The following DOCK2 variants were observed in gnomAD, a reference collection of about 807,000 sequenced individuals.
DOCK2 encodes dedicator of cytokinesis protein 2.
DOCK2 carries 87 observed loss-of-function variants against 248.9 expected under a neutral mutation model. The ratio of observed to expected loss-of-function variants is 0.35; its 90% CI spans 0.29 to 0.42. The LOEUF (loss-of-function observed/expected upper bound fraction) is 0.42, where lower values mean the gene tolerates loss of function less well. Among genes scored for constraint, DOCK2 ranks in the 10% least tolerant of loss-of-function variants. The pLI, the probability that DOCK2 is intolerant of heterozygous loss-of-function variation, is 1.00. For missense variants in DOCK2, 1,747 were observed against 2,300.2 expected (o/e 0.76, Z 4.92); for synonymous variants, 805 against 821.6 (o/e 0.98, Z 0.35).
At chr5:169,869,218 C>T (rs1771787171) in intron 27 of DOCK2, among the ~76,000 whole-genome samples, 1 of 152,148 alleles carries the variant, frequency 6.6e-6, no homozygotes, top group South Asian at 2.1e-4. Context: ...TCCCCACCAT[C>T]TACATTCAGG....
At chr5:169,840,584 G>T (rs914376601) in intron 26 of DOCK2, among the ~76,000 whole-genome samples, 173 bp from the exon 27 acceptor site, 1 of 124,184 alleles carries the variant, frequency 8.1e-6, no homozygotes, top group African/African-American at 3.4e-5. Context: ...TGGAGATATG[G>T]CGATGATGAT....
intron 27 of DOCK2, among the ~76,000 whole-genome samples, chr5:169,858,851 T>C (rs1442286729): frequency 6.6e-6 from 1 of 151,908 alleles, no homozygotes. Context: ...AAAATAATTA[T>C]TTTAAAAAAA....
intron 23 of DOCK2, among the ~76,000 whole-genome samples, chr5:169,755,872 G>A (rs562596062): frequency 1.3e-5 from 2 of 152,330 alleles, no homozygotes; most frequent in East Asian, 1.9e-4. Context: ...TTCTGGGAGC[G>A]TTTGGTGCTG....
At chr5:169,900,503 A>G (rs1053997554) in intron 27 of DOCK2, among the ~76,000 whole-genome samples, 3 of 152,202 alleles carry the variant, frequency 2.0e-5, no homozygotes, top group Non-Finnish European at 2.9e-5. Flanking sequence ...TTATTGGCCA[A>G]ACAGATCTTC....
intron 26 of DOCK2, among the ~76,000 whole-genome samples, chr5:169,810,987 TCTCACACACA>T (rs1275504567): frequency 2.0e-4 from 15 of 75,928 alleles, no homozygotes; most frequent in African/African-American, 6.7e-4. Context: ...TCTCTCTCTC[TCTCACACACA>T]CACACACACA....
At chr5:170,049,285 T>C (rs1015456362) in intron 40 of DOCK2, among the ~76,000 whole-genome samples, 2 of 152,234 alleles carry the variant, frequency 1.3e-5, no homozygotes, top group Non-Finnish European at 2.9e-5. Context: ...CAGCTAATTT[T>C]TGTATTTTTA....
chr5:169,737,088 G>A lies in DOCK2; in HGVS notation c.2268-10308G>A, dbSNP rs570201925. ...TGCATGTGAGGTGCCCTGGGATCAT[G>A]CTATGAAGAGATCAGCTTTCATCAC... On this transcript the variant is annotated intron_variant, in intron 22 of 51. Coordinates refer to ENST00000520908, the MANE Select transcript of DOCK2 (RefSeq NM_004946.3). 2.6e-4 allele frequency among the ~76,000 whole-genome samples: 39 copies of A among 152,290 alleles called. 1 individual carries two copies. The highest frequency in any genetic ancestry group is 9.4e-4 in the African/African-American group (39 of 41,580).
intron 1 of DOCK2, among the ~76,000 whole-genome samples, chr5:169,643,520 T>G (rs979516229): frequency 1.3e-5 from 2 of 152,230 alleles, no homozygotes; most frequent in Non-Finnish European, 2.9e-5. Flanking sequence ...CCCTCGCGTG[T>G]GCAGGTCACA....
chr5:169,943,949 G>A lies in DOCK2; in HGVS notation c.2800-39119G>A, dbSNP rs1016125252. On this transcript the variant is annotated intron_variant, in intron 27 of 51. Transcript: ENST00000520908. ...TGGGAAAATTTAGAAAAGCCACTTT[G>A]CTTTCTTATTGTCTCTGTAAAGTGG... Among the ~76,000 whole-genome samples the A allele has an allele frequency of 3.9e-5, 6 of 152,330 alleles. No homozygotes were observed. In the East Asian group the frequency reaches 7.7e-4, roughly 20 times the overall value.
chr5:169,808,855 G>T (rs1450834460), intron 26 of DOCK2, among the ~76,000 whole-genome samples: 1 of 152,112 alleles, frequency 6.6e-6, no homozygotes, highest in Non-Finnish European at 1.5e-5. Context: ...AAGAAGAAAA[G>T]GTGTTGGCTG....
intron 27 of DOCK2, among the ~76,000 whole-genome samples, chr5:169,941,047 A>AG (rs1236050585): frequency 2.6e-5 from 4 of 152,214 alleles, no homozygotes; most frequent in Non-Finnish European, 5.9e-5. Flanking sequence ...AGTGTGCTTC[A>AG]GTGGGGTAGG....
intron 25 of DOCK2, among the ~76,000 whole-genome samples, chr5:169,786,618 G>A (rs554018591): frequency 6.6e-6 from 1 of 152,164 alleles, no homozygotes; most frequent in East Asian, 1.9e-4. Context: ...GAGTACCAAG[G>A]CCCAGCTGAC....
intron 30 of DOCK2, among the ~76,000 whole-genome samples, chr5:170,003,371 A>G (rs762264792): frequency 5.1e-4 from 77 of 152,248 alleles, no homozygotes; most frequent in Non-Finnish European, 7.5e-4. Context: ...ACACTGACAC[A>G]TGTGCTCTTG....
rs149015788 is a variant in DOCK2, at chr5:169,991,096, C to T, written c.2994-4990C>T. On this transcript the variant is annotated intron_variant, in intron 29 of 51. Coordinates refer to ENST00000520908, the MANE Select transcript of DOCK2 (RefSeq NM_004946.3). Reference sequence around the variant, plus strand: ...TCACAGAGGTCAACCACCCAGCCCACGGCCGCAGCTCAGAAGAGTGGCTGA... The same window carrying T: ...TCACAGAGGTCAACCACCCAGCCCATGGCCGCAGCTCAGAAGAGTGGCTGA... 4.0e-4 allele frequency among the ~76,000 whole-genome samples: 61 copies of T among 152,380 alleles called. 2 individuals carry two copies. The highest frequency in any genetic ancestry group is 1.4e-3 in the African/African-American group (60 of 41,590).
chr5:169,855,202 A>C (rs1336917304), intron 27 of DOCK2, among the ~76,000 whole-genome samples: 1 of 152,254 alleles, frequency 6.6e-6, no homozygotes, highest in Non-Finnish European at 1.5e-5. Flanking sequence ...ATGCAGGCAA[A>C]GCCTTTAGTA....
At chr5:169,835,584 A>T (rs1303096495) in intron 26 of DOCK2, among the ~76,000 whole-genome samples, 1 of 152,002 alleles carries the variant, frequency 6.6e-6, no homozygotes, top group Non-Finnish European at 1.5e-5. Flanking sequence ...GTGGACAGTT[A>T]ATAGACAATG....
At chr5:169,894,029 C>T (rs1383520184) in intron 27 of DOCK2, among the ~76,000 whole-genome samples, 1 of 152,180 alleles carries the variant, frequency 6.6e-6, no homozygotes, top group Non-Finnish European at 1.5e-5. Flanking sequence ...ACCAGTCACA[C>T]ACATTTGGCT....
At chr5:169,820,293 T>C (rs554978590) in intron 26 of DOCK2, among the ~76,000 whole-genome samples, 3 of 152,268 alleles carry the variant, frequency 2.0e-5, no homozygotes, top group Middle Eastern at 3.4e-3. Flanking sequence ...AGCATGGAGT[T>C]TGAGATCTGA....
intron 29 of DOCK2, among the ~76,000 whole-genome samples, chr5:169,989,169 C>T (rs1407355285): frequency 6.6e-6 from 1 of 152,038 alleles, no homozygotes; most frequent in Non-Finnish European, 1.5e-5. Flanking sequence ...TTAATGTCTC[C>T]CCAGCTGTGT....
Sources: allele counts gnomAD v4.1 joint callset (sites outside exome capture counted in the v4.1 genomes callset), GRCh38; gene constraint gnomAD v4.1.1; transcripts MANE v1.5; gene names NCBI Gene and HGNC (gene_info 2026-07-23, HGNC 2026-07-21).